The following NUMA1 variants were observed in gnomAD, a reference collection of about 807,000 sequenced individuals.
NUMA1 encodes the protein nuclear mitotic apparatus protein 1, also known as SP-H antigen.
NUMA1 carries 62 observed loss-of-function variants against 237.1 expected under a neutral mutation model. The observed-to-expected ratio is 0.26, with a 90% confidence interval of 0.21 to 0.32. The LOEUF (loss-of-function observed/expected upper bound fraction) is 0.32, where lower values mean the gene tolerates loss of function less well. Ranked by LOEUF, NUMA1 falls within the 10% of genes least tolerant of loss-of-function variation. NUMA1 has a pLI of 1.00. For missense variants in NUMA1, 2,533 were observed against 2,666.5 expected, an observed-to-expected ratio of 0.95 and a Z score of 1.10; for synonymous variants, 1,028 against 1,066.1, an observed-to-expected ratio of 0.96 and a Z score of 0.70.
In NUMA1 at chr11:72,018,383, G is replaced by C. The variant is rs377256757; in HGVS notation, c.860+13C>G. The C allele has an allele frequency of 6.2e-6, 10 of 1,601,928 alleles. No homozygotes were observed. The African/African-American group carries it at 1.1e-4, about 17-fold the overall frequency. Reference sequence around the variant, plus strand: ...GGGCTGGGGCCTGGGAAGGAATGCAGGGAGAGCTGTACCTCTCATTCTTGT... The same window carrying C: ...GGGCTGGGGCCTGGGAAGGAATGCACGGAGAGCTGTACCTCTCATTCTTGT... On this transcript the variant is annotated intron_variant, in intron 11 of 26. Coordinates refer to ENST00000393695, the MANE Select transcript of NUMA1 (RefSeq NM_006185.4).
In NUMA1 at chr11:72,015,905, G is replaced by A. The variant is rs1391515772; in HGVS notation, c.1598C>T (p.Ala533Val). Residue 533 changes from alanine (A) to valine (V), a missense_variant, in exon 15 of 27, where the codon GCC becomes GTC. Ala to Val is a moderately conservative substitution (Grantham distance 64, BLOSUM62 0). Coordinates refer to ENST00000393695, the MANE Select transcript of NUMA1 (RefSeq NM_006185.4). This position sits in a 1 kb window ranked among gnomAD's most constrained non-coding sequence, Gnocchi z 4.0. ...CTGTTGGAGGGTCTGTGCTAGCTGG[G>A]CCTGCTTCTCTTTGGCCTGCTGCTT... ...GLKQQAKEKQAQLAQTLQQQE... is the reference protein window; with the variant it reads ...GLKQQAKEKQVQLAQTLQQQE... 1 of 1,614,020 alleles carries A rather than the reference G, an allele frequency of 6.2e-7. No individual in the cohort carries two copies. The highest frequency in any genetic ancestry group is 1.7e-5 in the Admixed American group (1 of 60,002).
intron 2 of NUMA1, among the ~76,000 whole-genome samples, chr11:72,037,471 A>T (rs905299722): frequency 6.6e-6 from 1 of 152,142 alleles, no homozygotes; most frequent in Non-Finnish European, 1.5e-5. Flanking sequence ...GCACCACTGC[A>T]CTCCAGTTTG....
In NUMA1 at chr11:72,012,902, G is replaced by A; in HGVS notation, c.4601C>T (p.Thr1534Ile). The A allele has an allele frequency of 6.2e-7, 1 of 1,613,780 alleles. No homozygotes were observed. The highest frequency in any genetic ancestry group is 8.5e-7 in the Non-Finnish European group (1 of 1,179,778). ...QRFQEERQKL[T>I]AQVEQLEVFQ... is the part of the protein sequence containing the mutation. ...TTGGGCTGAGTACCTTACCTGGGCA[G>A]TGAGTTTCTGCCTCTCTTCCTGGAA... Residue 1534 changes from threonine (T) to isoleucine (I), a missense_variant, in exon 15 of 27, where the codon ACT becomes ATT. By Grantham distance (89) the Thr-to-Ile change is moderately conservative. Around this residue, in one of 3 missense-constraint regions of NUMA1, gnomAD observed 324 missense variants for 407.6 expected, o/e 0.79. Transcript: ENST00000393695.
chr11:72,061,622 C>T (rs543321176), intron 2 of NUMA1, among the ~76,000 whole-genome samples: 23 of 151,462 alleles, frequency 1.5e-4, no homozygotes, highest in African/African-American at 5.3e-4. Context: ...TCCTGAGTAG[C>T]TGGGACCACA....
Position 72,008,992 on chromosome 11 carries a change from G to A in NUMA1, c.5033C>T (p.Ala1678Val), listed in dbSNP as rs1955952006. ...EAEQTCRHLT[A>V]QVRSLEAQVA... ...CTGTGCCTCCAGGCTGCGCACCTGG[G>A]CAGTAAGGTGGCGGCAGGTCTGTTC... The change falls in exon 19 of 27, where the codon GCC (alanine) becomes GTC (valine). Residue 1678 changes from alanine (A) to valine (V), a missense_variant. Physicochemically the swap from Ala to Val is moderately conservative, Grantham distance 64 (BLOSUM62 0). Around this residue, in one of 3 missense-constraint regions of NUMA1, gnomAD observed 795 missense variants for 750.8 expected, o/e 1.06. Transcript: ENST00000393695. The A allele has an allele frequency of 6.2e-7, 1 of 1,613,960 alleles. No homozygotes were observed. Among genetic ancestry groups the A allele is most frequent in the Admixed American group, 1.7e-5 (1 of 60,030 alleles).
At chr11:72,067,648 G>C (rs1565293075) in intron 2 of NUMA1, 1 of 152,174 alleles carries the variant, frequency 6.6e-6, no homozygotes, top group Non-Finnish European at 1.5e-5. Context: ...CCTACCCCAA[G>C]TCCAGTAGTC....
chr11:72,037,246 C>T (rs1309092297), intron 2 of NUMA1, among the ~76,000 whole-genome samples: 1 of 152,234 alleles, frequency 6.6e-6, no homozygotes, highest in African/African-American at 2.4e-5. Flanking sequence ...TGGCTCACGC[C>T]TGTAATCCCA....
chr11:72,004,596 C>A, intron 24 of NUMA1, 44 bp downstream of exon 24: 1 of 1,588,564 alleles, frequency 6.3e-7, no homozygotes. Flanking sequence ...TGGGCCTGAC[C>A]TGAGCACAGT....
Position 72,048,564 on chromosome 11 carries a change from C to T in NUMA1, c.-32-12589G>A, listed in dbSNP as rs148503991. Among the ~76,000 whole-genome samples the T allele has an allele frequency of 4.2e-3, 635 of 151,982 alleles. 2 individuals carry two copies. The highest frequency in any genetic ancestry group is 0.015 in the African/African-American group (605 of 41,464). On this transcript the variant is annotated intron_variant, in intron 2 of 26. Coordinates refer to ENST00000393695, the MANE Select transcript of NUMA1 (RefSeq NM_006185.4). Reference sequence around the variant, plus strand: ...TTTTTTTTATTTTTAGTAGAGATGGCGTTTCACCATGTTGGCCAGGCTGGG... The same window carrying T: ...TTTTTTTTATTTTTAGTAGAGATGGTGTTTCACCATGTTGGCCAGGCTGGG...
chr11:72,018,411 C>T lies in NUMA1; in HGVS notation c.845G>A (p.Arg282His), dbSNP rs371267182. Residue 282 changes from arginine to histidine, a missense_variant, in exon 11 of 27, where the codon CGT becomes CAT. This residue lies in a region of NUMA1 where 1,414 missense variants were observed against 1,508.1 expected (regional missense o/e 0.94). Coordinates refer to ENST00000393695, the MANE Select transcript of NUMA1 (RefSeq NM_006185.4). Reference protein sequence around the residue: ...PLEPKELEELRDKNESLTMRL... With the variant: ...PLEPKELEELHDKNESLTMRL... Reference sequence around the variant, plus strand: ...AGAGCTGTACCTCTCATTCTTGTCACGCAGCTCCTCAAGCTCCTTGGGCTC... The same window carrying T: ...AGAGCTGTACCTCTCATTCTTGTCATGCAGCTCCTCAAGCTCCTTGGGCTC... 2.7e-5 allele frequency: 44 copies of T among 1,613,940 alleles called. 1 individual carries two copies. In the South Asian group the frequency reaches 4.4e-4, roughly 16 times the overall value.
At chr11:72,027,008 G>C (rs1016938838) in intron 4 of NUMA1, among the ~76,000 whole-genome samples, 1 of 152,152 alleles carries the variant, frequency 6.6e-6, no homozygotes, top group South Asian at 2.1e-4. Flanking sequence ...TGAGCATCTT[G>C]AATTTTTGGC....
intron 9 of NUMA1, 113 bp downstream of exon 9, chr11:72,019,381 G>T: frequency 7.2e-7 from 1 of 1,384,724 alleles, no homozygotes; most frequent in Non-Finnish European, 9.9e-7. Flanking sequence ...CAGATCTACC[G>T]GATACTCTAA....
chr11:72,059,666 C>T (rs1942840237), intron 2 of NUMA1, among the ~76,000 whole-genome samples: 1 of 152,162 alleles, frequency 6.6e-6, no homozygotes, highest in Non-Finnish European at 1.5e-5. Context: ...AGGTTGTTCA[C>T]AGTGTTTTGC....
intron 4 of NUMA1, among the ~76,000 whole-genome samples, chr11:72,028,450 TAAAAAAAAAAAAA>T (rs11300189): frequency 8.0e-5 from 6 of 75,398 alleles, no homozygotes; most frequent in Non-Finnish European, 1.4e-4. Context: ...TGCTTTTTCT[TAAAAAAAAAAAAA>T]AAAAAAAAAA....
At chr11:72,047,849 C>A (rs1055908423) in intron 2 of NUMA1, 4 of 152,090 alleles carry the variant, frequency 2.6e-5, no homozygotes, top group Non-Finnish European at 5.9e-5. Flanking sequence ...GTTTATTTTA[C>A]TTTATTTTTT....
intron 2 of NUMA1, chr11:72,039,918 C>T (rs1941467395): frequency 6.6e-6 from 1 of 152,168 alleles, no homozygotes; most frequent in South Asian, 2.1e-4. Context: ...CGAGATCTCA[C>T]CTGGCAGGTT....
intron 24 of NUMA1, 138 bp from the exon 25 acceptor site, chr11:72,004,479 C>T: frequency 8.3e-7 from 1 of 1,206,986 alleles, no homozygotes; most frequent in Non-Finnish European, 1.2e-6. Flanking sequence ...GGGCCAGATC[C>T]TTCCCTTCCC....
chr11:72,036,962 G>GT (rs1405758972), intron 2 of NUMA1, among the ~76,000 whole-genome samples: 1 of 152,154 alleles, frequency 6.6e-6, no homozygotes, highest in Admixed American at 6.5e-5. Context: ...AACAAGAGTG[G>GT]TAAGAGCCAC....
Position 72,022,333 on chromosome 11 carries a change from G to T in NUMA1, c.372+6C>A. ...TGCTAGGTGGCATGGAGGCACAAGG[G>T]CTTACCTGAATTTTATATTCAAACT... is the stretch of plus-strand genomic sequence containing the variant. On this transcript the variant is annotated splice_donor_region_variant and intron_variant, in intron 7 of 26. Transcript: ENST00000393695. The T allele has an allele frequency of 6.2e-7, 1 of 1,606,300 alleles. No individual in the cohort carries two copies. The highest frequency in any genetic ancestry group is 8.5e-7 in the Non-Finnish European group (1 of 1,173,572).
Sources: allele counts gnomAD v4.1 joint callset (sites outside exome capture counted in the v4.1 genomes callset), GRCh38; gene constraint gnomAD v4.1.1; regional missense constraint gnomAD v4.1.1; non-coding constraint Gnocchi (gnomAD v3.1); transcripts MANE v1.5; gene names NCBI Gene and HGNC (gene_info 2026-07-23, HGNC 2026-07-21).